GNG7: variants seen among roughly 807,000 people sequenced by gnomAD.
The protein encoded by GNG7 is G protein subunit gamma 7, also known as guanine nucleotide-binding protein G(I)/G(S)/G(O) subunit gamma-7.
GNG7 carries 1 observed loss-of-function variant against 4.0 expected under a neutral mutation model. The ratio of observed to expected loss-of-function variants is 0.25; its 90% confidence interval spans 0.09 to 1.18. The LOEUF (loss-of-function observed/expected upper bound fraction) is 1.18, where lower values mean the gene tolerates loss of function less well. Among genes scored for constraint, GNG7 ranks in the 50% most tolerant of loss-of-function variants. The pLI is 0.50. For synonymous variants in GNG7, 34 were observed against 36.9 expected (o/e 0.92, Z 0.29); for missense variants, 86 against 91.9 (o/e 0.94, Z 0.26).
intron 3 of GNG7, among the ~76,000 whole-genome samples, chr19:2,532,403 C>G (rs913570512): frequency 6.6e-6 from 1 of 151,984 alleles, no homozygotes; most frequent in Non-Finnish European, 1.5e-5. Context: ...AACTGGAAGA[C>G]AGAACAGAGA....
intron 2 of GNG7, chr19:2,642,419 G>GTAGATCT: frequency 3.4e-6 from 1 of 295,798 alleles, no homozygotes; most frequent in Admixed American, 4.9e-5. Context: ...AGGTTGGAGT[G>GTAGATCT]CAGTGGTGCA....
At chr19:2,522,557 A>G (rs1978315341) in intron 3 of GNG7, among the ~76,000 whole-genome samples, 1 of 151,558 alleles carries the variant, frequency 6.6e-6, no homozygotes, top group South Asian at 2.1e-4. Context: ...GGCGGGTCAC[A>G]AGGTCAGGAG....
intron 2 of GNG7, among the ~76,000 whole-genome samples, chr19:2,572,061 C>T (rs1980165367): frequency 6.6e-6 from 1 of 151,838 alleles, no homozygotes; most frequent in Non-Finnish European, 1.5e-5. Flanking sequence ...TCACTGTGTC[C>T]ACCAGGCTGG....
chr19:2,699,702 G>A (rs1438842716), intron 1 of GNG7, among the ~76,000 whole-genome samples: 1 of 152,184 alleles, frequency 6.6e-6, no homozygotes, highest in African/African-American at 2.4e-5. Context: ...GTCACAATGC[G>A]GGGAGCTCCT....
rs902840702 is a variant in GNG7, at chr19:2,611,008, G to GGA, written c.-78+35215_-78+35216insTC. 3 of 107,744 alleles carry GGA rather than the reference G, an allele frequency of 2.8e-5. No individual in the cohort carries two copies. The highest frequency in any genetic ancestry group is 1.4e-4 in the African/African-American group (3 of 21,638). 6.7% of individuals were successfully genotyped at this position (107,744 alleles called of 1,614,324 possible). A position where few individuals can be genotyped will look rare whatever the true frequency, so the allele number is the denominator to read the frequency against. On this transcript the variant is annotated intron_variant, in intron 2 of 4. Coordinates refer to ENST00000382159, the MANE Select transcript of GNG7 (RefSeq NM_052847.3). The surrounding 1 kb of genome is among the most constrained non-coding windows in gnomAD (Gnocchi z 6.0). ...AACGGGCTCACGTGCCAGGCTCGGGGGGGGGGAAGCGTCCTCAACATTCTC... is the reference window on the plus strand; with the variant it reads ...AACGGGCTCACGTGCCAGGCTCGGGGGAGGGGGGAAGCGTCCTCAACATTCTC...
intron 3 of GNG7, among the ~76,000 whole-genome samples, chr19:2,524,645 CAT>C (rs1479293523): frequency 6.6e-6 from 1 of 152,226 alleles, no homozygotes; most frequent in Admixed American, 6.5e-5. Flanking sequence ...TGCATGTACA[CAT>C]CTACGTGTGT....
intron 3 of GNG7, chr19:2,538,326 C>T: frequency 2.2e-6 from 1 of 455,156 alleles, no homozygotes; most frequent in South Asian, 1.6e-5. Flanking sequence ...CTATCCAAAG[C>T]ATGCGTCAGG....
chr19:2,579,034 G>A lies in GNG7; in HGVS notation c.-77-23846C>T, dbSNP rs573754451. 2.6e-5 allele frequency among the ~76,000 whole-genome samples: 4 copies of A among 152,310 alleles called. No homozygotes were observed. The East Asian group carries it at 7.7e-4, about 29-fold the overall frequency. On this transcript the variant is annotated intron_variant, in intron 2 of 4. Transcript: ENST00000382159. The stretch of plus-strand genomic sequence containing the variant: ...GGAAATGGCTGGGAGAGGGAGAGAC[G>A]GTTAAACGAAAAAACATCCCAAGAA...
intron 1 of GNG7, among the ~76,000 whole-genome samples, chr19:2,673,896 A>G (rs531381755): frequency 3.3e-5 from 5 of 152,236 alleles, no homozygotes; most frequent in South Asian, 2.1e-4. Flanking sequence ...TTTTCTTAGG[A>G]TACATTTGTG....
intron 1 of GNG7, among the ~76,000 whole-genome samples, chr19:2,647,413 C>T (rs767757512): frequency 6.6e-6 from 1 of 152,176 alleles, no homozygotes; most frequent in African/African-American, 2.4e-5. Flanking sequence ...ACCCACCCCA[C>T]GAGCCTTTCC....
At chr19:2,583,641 A>G (rs1277590022) in intron 2 of GNG7, among the ~76,000 whole-genome samples, 5 of 152,222 alleles carry the variant, frequency 3.3e-5, no homozygotes, top group Non-Finnish European at 7.3e-5. Context: ...GCAGAGGTGC[A>G]TATGCAAGCA....
chr19:2,533,037 A>G (rs1978642164), intron 3 of GNG7, among the ~76,000 whole-genome samples: 1 of 152,126 alleles, frequency 6.6e-6, no homozygotes, highest in South Asian at 2.1e-4. Context: ...ACCTGGAAAC[A>G]ACCCAAATGC....
chr19:2,584,275 T>C (rs1376096226), intron 2 of GNG7, among the ~76,000 whole-genome samples: 2 of 113,458 alleles, frequency 1.8e-5, no homozygotes, highest in Non-Finnish European at 3.3e-5. Flanking sequence ...AGACCCTATC[T>C]CCGCAAAGAA....
intron 2 of GNG7, among the ~76,000 whole-genome samples, chr19:2,573,785 G>A (rs1980224746): frequency 1.3e-5 from 2 of 152,194 alleles, no homozygotes; most frequent in African/African-American, 2.4e-5. Flanking sequence ...GGAGGTGGCA[G>A]TGAGCCGAGA....
chr19:2,549,111 T>C (rs1230679189), intron 3 of GNG7, among the ~76,000 whole-genome samples: 7 of 152,122 alleles, frequency 4.6e-5, no homozygotes, highest in African/African-American at 9.7e-5. Context: ...GGCAGCAAAC[T>C]GTCAGGACCC....
intron 2 of GNG7, among the ~76,000 whole-genome samples, chr19:2,584,766 G>A (rs1980604476): frequency 2.9e-5 from 1 of 34,540 alleles, no homozygotes. Context: ...GAGGGAGGGA[G>A]GGATGGAGGG....
rs557503773 is a variant in GNG7 at position 2,519,953 on chromosome 19, G to A, written c.81+655C>T. ...CCAGGACTTTGGGAGGCCGAGGCAG[G>A]CGGATCACCTGAAGTTAGGAGTTCA... On this transcript the variant is annotated intron_variant, in intron 4 of 4. Transcript: ENST00000382159. 3.3e-5 allele frequency among the ~76,000 whole-genome samples: 5 copies of A among 152,266 alleles called. No individual in the cohort carries two copies. The South Asian group carries it at 1.0e-3, about 32-fold the overall frequency.
At chr19:2,540,106 CTTTCT>C (rs1310384486) in intron 3 of GNG7, among the ~76,000 whole-genome samples, 3 of 119,090 alleles carry the variant, frequency 2.5e-5, no homozygotes, top group Non-Finnish European at 4.9e-5. Flanking sequence ...TTCTCAATTT[CTTTCT>C]TTTCTTTTCT....
rs558142704 is a variant in GNG7 at position 2,528,800 on chromosome 19, C to T, written c.-37-8075G>A. Among the ~76,000 whole-genome samples, 25 of 152,344 alleles carry T rather than the reference C, an allele frequency of 1.6e-4. No homozygotes were observed. In the South Asian group the frequency reaches 5.2e-3, roughly 32 times the overall value. On this transcript the variant is annotated intron_variant, in intron 3 of 4. Coordinates refer to ENST00000382159, the MANE Select transcript of GNG7 (RefSeq NM_052847.3). ...AATTCTCAGAGGGACACTCTCATCT[C>T]TGCACCAGGCCTGGCCCCCAGGTTC...
Sources: gnomAD v4.1 joint callset for allele counts (sites outside exome capture counted in the v4.1 genomes callset) on GRCh38, gnomAD v4.1.1 for gene constraint, Gnocchi (gnomAD v3.1) non-coding constraint, MANE v1.5 for transcripts, NCBI Gene and HGNC (gene_info 2026-07-23, HGNC 2026-07-21) for gene names.